CEP128: variants seen among roughly 807,000 people sequenced by gnomAD.
CEP128 encodes centrosomal protein 128kDa.
CEP128 carries 132 observed loss-of-function variants against 156.7 expected under a neutral mutation model. The observed-to-expected ratio is 0.84, with a 90% CI of 0.73 to 0.97. The LOEUF is 0.97. Ranked by LOEUF, CEP128 falls within the 50% of genes least tolerant of loss-of-function variation. The pLI, the probability that CEP128 is intolerant of heterozygous loss-of-function variation, is 0.00. For missense variants in CEP128, 1,252 were observed against 1,281.9 expected (o/e 0.98, Z 0.36); for synonymous variants, 469 against 448.9 (o/e 1.04, Z -0.57).
chr14:80,893,598 C>T (rs73344013), intron 8 of CEP128, among the ~76,000 whole-genome samples: 12,904 of 151,296 alleles, frequency 0.085, 630 homozygotes, highest in African/African-American at 0.12. Context: ...TATCCCATAA[C>T]ATCATGTTGC....
At chr14:80,750,713 T>C (rs905392899) in intron 18 of CEP128, among the ~76,000 whole-genome samples, 9 of 152,180 alleles carry the variant, frequency 5.9e-5, no homozygotes, top group Non-Finnish European at 1.2e-4. Context: ...AAACAATAAA[T>C]CTGTTTTGTC....
At chr14:80,477,405 C>G (rs1051004589) in exon 15 of CEP128, 1 of 152,132 alleles carries the variant, frequency 6.6e-6, no homozygotes, top group Non-Finnish European at 1.5e-5. Context: ...GAAAAAGTTC[C>G]ATTTTTTTCC....
chr14:80,502,717 A>T (rs1252640236), intron 24 of CEP128, among the ~76,000 whole-genome samples: 1 of 152,152 alleles, frequency 6.6e-6, no homozygotes, highest in Non-Finnish European at 1.5e-5. Context: ...GATATTCTTT[A>T]AAACATCCTC....
chr14:80,622,415 A>G (rs908403420), intron 19 of CEP128, among the ~76,000 whole-genome samples: 19 of 150,516 alleles, frequency 1.3e-4, no homozygotes, highest in Admixed American at 7.9e-4. Flanking sequence ...CTTCATGTCT[A>G]AAACACCAAA....
chr14:80,931,047 G>A (rs1429740427), intron 2 of CEP128, among the ~76,000 whole-genome samples: 1 of 152,204 alleles, frequency 6.6e-6, no homozygotes, highest in South Asian at 2.1e-4. Context: ...TGCAATCCAG[G>A]TTGATGAGCC....
rs118080345 is a variant in CEP128, at chr14:80,864,391, A to T, written c.646-1518T>A. ...AAATTCAATAAGTTGAATGACTTCT[A>T]TATTTCAGAAAAGAAGGCTGCTCTT... On this transcript the variant is annotated intron_variant, in intron 8 of 24. Transcript: ENST00000555265. 2.0e-5 allele frequency among the ~76,000 whole-genome samples: 3 copies of T among 152,320 alleles called. No homozygotes were observed. In the South Asian group the frequency reaches 6.2e-4, roughly 32 times the overall value.
chr14:80,928,685 T>A (rs1885280283), intron 2 of CEP128, among the ~76,000 whole-genome samples: 1 of 152,122 alleles, frequency 6.6e-6, no homozygotes, highest in Non-Finnish European at 1.5e-5. Context: ...CAGGCGTTCC[T>A]GAGAAAGAAG....
At chr14:80,862,345 C>T (rs1043236245) in intron 9 of CEP128, among the ~76,000 whole-genome samples, 13 of 152,312 alleles carry the variant, frequency 8.5e-5, no homozygotes, top group Admixed American at 3.9e-4. Flanking sequence ...GACCTGTGAG[C>T]CACAGTTTGA....
intron 19 of CEP128, among the ~76,000 whole-genome samples, chr14:80,661,630 A>G (rs1389338359): frequency 6.6e-6 from 1 of 152,212 alleles, no homozygotes; most frequent in Non-Finnish European, 1.5e-5. Flanking sequence ...TAAACTGTGA[A>G]TACAGGTTAG....
downstream of CEP128, among the ~76,000 whole-genome samples, chr14:80,492,154 A>C (rs571040935): frequency 6.6e-6 from 1 of 152,222 alleles, no homozygotes; most frequent in African/African-American, 2.4e-5. Context: ...ACAGATGTGC[A>C]ACTGGACACA....
chr14:80,884,289 A>T (rs1366703200), intron 8 of CEP128, among the ~76,000 whole-genome samples: 1 of 152,232 alleles, frequency 6.6e-6, no homozygotes, highest in Non-Finnish European at 1.5e-5. Context: ...AAATGAAGAG[A>T]CGACCCAGAA....
At chr14:80,795,647 C>T (rs1007131024) in intron 13 of CEP128, among the ~76,000 whole-genome samples, 5 of 152,110 alleles carry the variant, frequency 3.3e-5, no homozygotes, top group African/African-American at 7.2e-5. Context: ...TTCCACATGC[C>T]TCAACCCAGC....
intron 2 of CEP128, among the ~76,000 whole-genome samples, chr14:80,919,248 T>G (rs1387833104): frequency 6.6e-6 from 1 of 152,166 alleles, no homozygotes; most frequent in East Asian, 1.9e-4. Flanking sequence ...AAATGGCATG[T>G]CAGACACTTC....
chr14:80,774,514 CAT>C (rs1900682662), intron 16 of CEP128, among the ~76,000 whole-genome samples: 4 of 152,078 alleles, frequency 2.6e-5, no homozygotes, highest in Admixed American at 2.0e-4. Flanking sequence ...TCATTGAAAA[CAT>C]ATTTTTATTT....
At chr14:80,790,943 A>G (rs1358355129) in intron 14 of CEP128, among the ~76,000 whole-genome samples, 1 of 152,128 alleles carries the variant, frequency 6.6e-6, no homozygotes, top group Non-Finnish European at 1.5e-5. Flanking sequence ...GTAAATCAGT[A>G]TAATTTTTAT....
At chr14:80,847,695 C>T (rs772625714) in intron 9 of CEP128, among the ~76,000 whole-genome samples, 3 of 152,230 alleles carry the variant, frequency 2.0e-5, no homozygotes, top group South Asian at 2.1e-4. Flanking sequence ...CCCCAAGGGG[C>T]CATAAAGAGG....
chr14:80,860,811 T>C (rs1463663708), intron 9 of CEP128, among the ~76,000 whole-genome samples: 1 of 152,052 alleles, frequency 6.6e-6, no homozygotes, highest in African/African-American at 2.4e-5. Flanking sequence ...TTCCTAATTT[T>C]CAATTAACAG....
intron 19 of CEP128, among the ~76,000 whole-genome samples, chr14:80,698,003 T>C (rs1370150064): frequency 2.0e-5 from 3 of 152,038 alleles, no homozygotes; most frequent in Non-Finnish European, 4.4e-5. Context: ...CTTGGCAATA[T>C]AAATATAAAA....
chr14:80,697,198 CT>C (rs1385587843), intron 19 of CEP128, among the ~76,000 whole-genome samples: 1 of 151,934 alleles, frequency 6.6e-6, no homozygotes, highest in Non-Finnish European at 1.5e-5. Flanking sequence ...AAACTAAAGA[CT>C]TTATAAATCA....
Sources: gnomAD v4.1 joint callset for allele counts (sites outside exome capture counted in the v4.1 genomes callset) on GRCh38, gnomAD v4.1.1 for gene constraint, MANE v1.5 for transcripts, NCBI Gene and HGNC (gene_info 2026-07-23, HGNC 2026-07-21) for gene names.